The following RIMOC1 variants were observed in gnomAD, a reference collection of about 807,000 sequenced individuals.
The protein encoded by RIMOC1 is RAB7A interacting MON1-CCZ1 complex subunit 1, also known as RAB7A-interacting MON1-CCZ1 complex subunit 1.
chr5:41,906,972 A>G, the RIMOC1 span, among the ~76,000 whole-genome samples: 5 of 152,188 alleles, frequency 3.3e-5, no homozygotes, highest in Admixed American at 3.3e-4. Flanking sequence ...TGACTTCATG[A>G]AGTGCTGCAG....
At chr5:41,907,755 C>G in the RIMOC1 span, 1 of 1,606,496 alleles carries the variant, frequency 6.2e-7, no homozygotes, top group East Asian at 2.2e-5. Context: ...TAATTCGGGC[C>G]TCTGCAGCAT....
the RIMOC1 span, chr5:41,918,083 T>TA: frequency 1.0e-6 from 1 of 985,700 alleles, no homozygotes; most frequent in Non-Finnish European, 1.2e-6. Flanking sequence ...GGGTGAGTGT[T>TA]AAAGGCCAGA....
At chr5:41,909,964 A>G in the RIMOC1 span, 2 of 1,237,550 alleles carry the variant, frequency 1.6e-6, no homozygotes, top group Non-Finnish European at 1.1e-6. Flanking sequence ...TGGAGTCTAT[A>G]TTTTTTTCTT....
the RIMOC1 span, among the ~76,000 whole-genome samples, chr5:41,906,152 C>G: frequency 6.6e-6 from 1 of 152,128 alleles, no homozygotes; most frequent in Non-Finnish European, 1.5e-5. Context: ...GAGATACAGC[C>G]AGACATTATT....
the RIMOC1 span, chr5:41,909,899 T>A: frequency 6.4e-7 from 1 of 1,564,604 alleles, no homozygotes; most frequent in Non-Finnish European, 8.7e-7. Context: ...AAAAGTAAGT[T>A]TTACATTCCT....
chr5:41,911,146 G>C, the RIMOC1 span: 9 of 1,607,038 alleles, frequency 5.6e-6, no homozygotes, highest in Non-Finnish European at 7.6e-6. Flanking sequence ...AAAGAAGAGA[G>C]TGGCTCTTAA....
chr5:41,912,017 A>G, the RIMOC1 span: 1 of 1,085,054 alleles, frequency 9.2e-7, no homozygotes, highest in Middle Eastern at 2.0e-4. Context: ...TTTGAAGTTT[A>G]TATATCTCTG....
the RIMOC1 span, chr5:41,921,024 G>T: frequency 3.9e-5 from 6 of 152,548 alleles, no homozygotes; most frequent in Admixed American, 2.0e-4. Context: ...TTTAGACTTA[G>T]TTAAAGACCT....
At chr5:41,918,131 T>C in the RIMOC1 span, 1 of 985,718 alleles carries the variant, frequency 1.0e-6, no homozygotes, top group Non-Finnish European at 1.2e-6. Flanking sequence ...TCTTTCTGTC[T>C]ACCTCAACTC....
At chr5:41,917,530 A>T in the RIMOC1 span, 1 of 1,198,142 alleles carries the variant, frequency 8.3e-7, no homozygotes, top group Non-Finnish European at 1.0e-6. Flanking sequence ...ACTCACCTTA[A>T]AATACAGATG....
chr5:41,910,715 C>A, the RIMOC1 span, among the ~76,000 whole-genome samples: 1 of 151,910 alleles, frequency 6.6e-6, no homozygotes, highest in African/African-American at 2.4e-5. Context: ...GATATGATCT[C>A]ACTTCAAGTA....
chr5:41,906,760 T>C, the RIMOC1 span, among the ~76,000 whole-genome samples: 1 of 152,334 alleles, frequency 6.6e-6, no homozygotes, highest in Admixed American at 6.5e-5. Context: ...CTGATGGTGC[T>C]TTTGCTCCAA....
chr5:41,905,754 C>T, the RIMOC1 span, among the ~76,000 whole-genome samples: 1 of 152,322 alleles, frequency 6.6e-6, no homozygotes, highest in South Asian at 2.1e-4. Flanking sequence ...ATTCACTTAT[C>T]ACTGAACTAA....
chr5:41,911,136 A>T, the RIMOC1 span: 4 of 1,609,322 alleles, frequency 2.5e-6, no homozygotes, highest in South Asian at 4.4e-5. Flanking sequence ...TCTCTTACCA[A>T]AAGAAGAGAG....
chr5:41,910,406 T>C, the RIMOC1 span, among the ~76,000 whole-genome samples: 1 of 151,852 alleles, frequency 6.6e-6, no homozygotes, highest in African/African-American at 2.4e-5. Flanking sequence ...TCATCACCGA[T>C]AGTCTCTATT....
chr5:41,916,976 G>C, the RIMOC1 span: 7 of 1,496,136 alleles, frequency 4.7e-6, no homozygotes, highest in Admixed American at 6.3e-5. Context: ...TTCTTTTTAA[G>C]CTTTTAATTC....
chr5:41,909,983 T>C, the RIMOC1 span: 1 of 1,038,458 alleles, frequency 9.6e-7, no homozygotes, highest in Non-Finnish European at 1.4e-6. Flanking sequence ...TTCTTGATTG[T>C]ATCTTTGTTT....
the RIMOC1 span, among the ~76,000 whole-genome samples, chr5:41,910,491 C>T: frequency 6.6e-6 from 1 of 151,880 alleles, no homozygotes; most frequent in Non-Finnish European, 1.5e-5. Context: ...ATTTGTATAT[C>T]TAGTCCTGGA....
chr5:41,917,359 AGTTCC>A, the RIMOC1 span: 3 of 1,497,838 alleles, frequency 2.0e-6, no homozygotes, highest in Admixed American at 7.2e-5. Flanking sequence ...TGGAAAAGAG[AGTTCC>A]AAAAAAGAAG....
Sources: gnomAD v4.1 joint callset for allele counts (sites outside exome capture counted in the v4.1 genomes callset) on GRCh38, gnomAD v4.1.1 for gene constraint, MANE v1.5 for transcripts, NCBI Gene and HGNC (gene_info 2026-07-23, HGNC 2026-07-21) for gene names.